GANAB: variants seen among roughly 807,000 people sequenced by gnomAD.
GANAB encodes neutral alpha-glucosidase AB.
Under a neutral mutation model 129.9 loss-of-function variants are expected in GANAB, and 35 were observed. The observed-to-expected ratio is 0.27, with a 90% CI of 0.21 to 0.36. The LOEUF is 0.36. Ranked by LOEUF, GANAB falls within the 10% of genes least tolerant of loss-of-function variation. The probability of loss-of-function intolerance (pLI) is 1.00; values close to 1 mark genes in which losing one functional copy is unlikely to be tolerated. For missense variants in GANAB, 939 were observed against 1,221.0 expected, an observed-to-expected ratio of 0.77 and a Z score of 3.44; for synonymous variants, 482 against 451.8, an observed-to-expected ratio of 1.07 and a Z score of -0.85.
chr11:62,627,053 C>G lies in GANAB; in HGVS notation c.2317G>C (p.Gly773Arg). ...HGVQVYLPGQ[G>R]EVWYDIQSYQ... The stretch of plus-strand genomic sequence containing the variant: ...CATGCCCTTCCTTAACTCACCTCCC[C>G]TTGGCCAGGCAGATAGACCTGGACA... Residue 773 changes from glycine (G) to arginine (R), a missense_variant, in exon 19 of 24, where the codon GGG becomes CGG. Coordinates refer to ENST00000356638, the MANE Select transcript of GANAB (RefSeq NM_198334.3). The G allele has an allele frequency of 1.2e-6, 2 of 1,613,430 alleles. No individual in the cohort carries two copies. Among genetic ancestry groups the G allele is most frequent in the Non-Finnish European group, 1.7e-6 (2 of 1,179,348 alleles).
At position 62,625,314 on chromosome 11, in the gene GANAB, G is replaced by GT. The variant is rs1226171119; in HGVS notation, c.*500dup. Reference sequence around the variant, plus strand: ...GTCCGGGGTAAGGGGTGGTCCCAGTGTATCGGTGGGGCATAAAAAGGGGAG... The same window carrying GT: ...GTCCGGGGTAAGGGGTGGTCCCAGTGTTATCGGTGGGGCATAAAAAGGGGAG... On this transcript the variant is annotated 3_prime_UTR_variant, in exon 24 of 24. Coordinates refer to ENST00000356638, the MANE Select transcript of GANAB (RefSeq NM_198334.3). 4.4e-6 allele frequency: 2 copies of GT among 455,592 alleles called. No individual in the cohort carries two copies. The highest frequency in any genetic ancestry group is 4.0e-5 in the African/African-American group (2 of 50,124). The allele number at this position is 455,592 out of a possible 1,614,324, so 28.2% of individuals were successfully genotyped here.
intron 13 of GANAB, 55 bp from the exon 14 acceptor site, chr11:62,630,012 A>G: frequency 6.3e-7 from 1 of 1,580,852 alleles, no homozygotes; most frequent in Non-Finnish European, 8.7e-7. Flanking sequence ...GAAGAAGACA[A>G]ACAGTGTCAG....
At chr11:62,634,785 C>T (rs748992811) in intron 5 of GANAB, 36 bp downstream of exon 5, 2 of 1,560,814 alleles carry the variant, frequency 1.3e-6, no homozygotes, top group African/African-American at 1.4e-5. Context: ...TGCTCTTTCA[C>T]ACTAGGTTCC....
At chr11:62,644,837 C>T (rs553674389) in intron 1 of GANAB, among the ~76,000 whole-genome samples, 12 of 150,778 alleles carry the variant, frequency 8.0e-5, no homozygotes, top group Admixed American at 2.6e-4. Context: ...AGTAAACAAA[C>T]AAATAAATAA....
rs765222137 is a variant in GANAB, at chr11:62,639,442, G to C, written c.169C>G (p.Leu57Val). ...CKRQRSIRPG[L>V]SPYRALLDSL... ...TCCAGCAAGGCTCGGTATGGAGAGA[G>C]GCCTGGCCGTATGCTTCTCTGTCGC... The change falls in exon 3 of 24, where the codon CTC becomes GTC. Residue 57 changes from leucine (L) to valine (V), a missense_variant. Leu to Val is a conservative substitution (Grantham distance 32, BLOSUM62 1). This residue lies in a region of GANAB where 321 missense variants were observed against 329.1 expected (regional missense o/e 0.98). Coordinates refer to ENST00000356638, the MANE Select transcript of GANAB (RefSeq NM_198334.3). 2.5e-6 allele frequency: 4 copies of C among 1,613,614 alleles called. No individual in the cohort carries two copies. The highest frequency in any genetic ancestry group is 3.4e-6 in the Non-Finnish European group (4 of 1,179,614).
intron 23 of GANAB, 34 bp downstream of exon 23, chr11:62,626,031 T>G (rs756435491): frequency 6.5e-7 from 1 of 1,544,588 alleles, no homozygotes; most frequent in South Asian, 1.1e-5. Flanking sequence ...CTTCCCCTCC[T>G]TCCCCCATCC....
intron 1 of GANAB, among the ~76,000 whole-genome samples, 158 bp downstream of exon 1, chr11:62,646,404 G>A (rs771810741): frequency 1.3e-5 from 2 of 152,118 alleles, no homozygotes. Flanking sequence ...GATCTACCAC[G>A]GGGAGACCGG....
intron 5 of GANAB, chr11:62,633,794 G>C: frequency 1.9e-6 from 1 of 528,822 alleles, no homozygotes; most frequent in East Asian, 3.3e-5. Flanking sequence ...AAGGCAGAAT[G>C]ATTCAGGGGC....
At chr11:62,635,206 C>T (rs557665873) in intron 4 of GANAB, among the ~76,000 whole-genome samples, 2 of 150,044 alleles carry the variant, frequency 1.3e-5, no homozygotes, top group South Asian at 2.1e-4. Context: ...TTTTTTGAGA[C>T]GGAGTTTCAC....
At chr11:62,640,449 C>T (rs1219152913) in intron 1 of GANAB, among the ~76,000 whole-genome samples, 4 of 143,696 alleles carry the variant, frequency 2.8e-5, no homozygotes, top group East Asian at 2.1e-4. Flanking sequence ...TGGAGAATGG[C>T]ATGAATCCGG....
chr11:62,645,626 A>G (rs932360601), intron 1 of GANAB, among the ~76,000 whole-genome samples: 1 of 152,038 alleles, frequency 6.6e-6, no homozygotes, highest in African/African-American at 2.4e-5. Context: ...AAAGATGCCA[A>G]TGGAGATAGG....
At chr11:62,626,033 C>T (rs766704400) in intron 23 of GANAB, 32 bp downstream of exon 23, 2 of 1,546,990 alleles carry the variant, frequency 1.3e-6, no homozygotes, top group Non-Finnish European at 1.8e-6. Flanking sequence ...TCCCCTCCTT[C>T]CCCCATCCTA....
intron 9 of GANAB, among the ~76,000 whole-genome samples, chr11:62,631,937 T>C (rs1943705944): frequency 6.6e-6 from 1 of 151,324 alleles, no homozygotes; most frequent in Non-Finnish European, 1.5e-5. Flanking sequence ...TCCTTTGTTA[T>C]GTGTTTAACG....
chr11:62,631,182 G>A lies in GANAB; in HGVS notation c.998C>T (p.Thr333Ile). Residue 333 changes from threonine (T) to isoleucine (I), a missense_variant and splice_region_variant, in exon 10 of 24, where the codon ACC becomes ATC. Coordinates refer to ENST00000356638, the MANE Select transcript of GANAB (RefSeq NM_198334.3). ...VDISSNTAGK[T>I]LFGKMMDYLQ... ...GTAGTCCATCATCTTCCCAAACAGG[G>A]TCTGTATAGGTGACCACAAAGGGGT... 6.3e-7 allele frequency: 1 copy of A among 1,583,844 alleles called. No individual in the cohort carries two copies. Among genetic ancestry groups the A allele is most frequent in the Non-Finnish European group, 8.6e-7 (1 of 1,156,754 alleles).
rs1348716920 is a variant in GANAB at position 62,629,333 on chromosome 11, AAGG to A, written c.1835-41_1835-39del. 2.8e-6 allele frequency: 4 copies of A among 1,419,602 alleles called. No individual in the cohort carries two copies. In the African/African-American group the frequency reaches 5.6e-5, roughly 20 times the overall value. 87.9% of individuals were successfully genotyped at this position (1,419,602 alleles called of 1,614,324 possible). On this transcript the variant is annotated intron_variant, in intron 15 of 23. Transcript: ENST00000356638. ...AGAAGTGGGGAGCTTGCACATGGTA[AAGG>A]AGTTCAGCTTTTTACATGGCTGACC...
intron 22 of GANAB, 41 bp downstream of exon 22, chr11:62,626,294 C>A (rs1458127710): frequency 1.4e-6 from 2 of 1,435,260 alleles, no homozygotes; most frequent in Admixed American, 1.7e-5. Flanking sequence ...AAGGATCAGG[C>A]CCCAGCAAAG....
At chr11:62,626,974 T>G (rs1943414439) in intron 19 of GANAB, 40 bp from the exon 20 acceptor site, 1 of 1,574,924 alleles carries the variant, frequency 6.3e-7, no homozygotes, top group Non-Finnish European at 8.7e-7. Flanking sequence ...GATCACTCAG[T>G]GCACAGGGGT....
In GANAB at chr11:62,639,377, C is replaced by T; in HGVS notation, c.234G>A (p.Leu78=). The T allele has an allele frequency of 6.2e-7, 1 of 1,609,972 alleles. No individual in the cohort carries two copies. The highest frequency in any genetic ancestry group is 8.5e-7 in the Non-Finnish European group (1 of 1,176,436). ...TCCTGACCTTGGTGACCTCATGGATCAGATGGACCGTGAGGGAATCAGGAC... is the reference window on the plus strand; with the variant it reads ...TCCTGACCTTGGTGACCTCATGGATTAGATGGACCGTGAGGGAATCAGGAC... ...QLGPDSLTVH[L]IHEVTKVLLV... Residue 78 remains leucine, a synonymous_variant, in exon 3 of 24, where the codon CTG becomes CTA. Coordinates refer to ENST00000356638, the MANE Select transcript of GANAB (RefSeq NM_198334.3).
intron 4 of GANAB, among the ~76,000 whole-genome samples, chr11:62,638,117 G>A (rs932851028): frequency 6.6e-5 from 10 of 152,180 alleles, no homozygotes; most frequent in South Asian, 2.1e-4. Context: ...GAGCCGTCAA[G>A]GGTACAGGAC....
Sources: allele counts gnomAD v4.1 joint callset (sites outside exome capture counted in the v4.1 genomes callset), GRCh38; gene constraint gnomAD v4.1.1; regional missense constraint gnomAD v4.1.1; transcripts MANE v1.5; gene names NCBI Gene and HGNC (gene_info 2026-07-23, HGNC 2026-07-21).